NRCAM: variants seen among roughly 807,000 people sequenced by gnomAD.
The protein encoded by NRCAM is NgCAM-related cell adhesion molecule.
A neutral mutation model predicts 156.5 loss-of-function variants in NRCAM; 83 were observed. That is an observed-to-expected ratio of 0.53 (90% CI 0.44 to 0.64). The LOEUF is 0.64. Among genes scored for constraint, NRCAM ranks in the 30% least tolerant of loss-of-function variants. The probability of loss-of-function intolerance (pLI) is 0.00; values close to 1 mark genes in which losing one functional copy is unlikely to be tolerated. For synonymous variants in NRCAM, 538 were observed against 563.9 expected (o/e 0.95, Z 0.65); for missense variants, 1,417 against 1,597.3 (o/e 0.89, Z 1.92).
intron 1 of NRCAM, among the ~76,000 whole-genome samples, chr7:108,432,278 T>C (rs1490186452): frequency 6.6e-6 from 1 of 152,218 alleles, no homozygotes; most frequent in Non-Finnish European, 1.5e-5. Flanking sequence ...TTACTTAAAA[T>C]GCAATTAATG....
chr7:108,267,884 T>C (rs573490249), intron 3 of NRCAM, among the ~76,000 whole-genome samples: 10 of 152,352 alleles, frequency 6.6e-5, no homozygotes, highest in Middle Eastern at 3.4e-3. Context: ...GCAGTTATAT[T>C]CATACATAGA....
intron 2 of NRCAM, among the ~76,000 whole-genome samples, chr7:108,317,869 A>T (rs1361630882): frequency 3.4e-5 from 5 of 148,718 alleles, no homozygotes; most frequent in Admixed American, 1.4e-4. Context: ...AGATGGCGCC[A>T]TTGCACTCTA....
chr7:108,404,263 T>C (rs1171910537), intron 1 of NRCAM, among the ~76,000 whole-genome samples: 2 of 142,406 alleles, frequency 1.4e-5, no homozygotes, highest in African/African-American at 5.2e-5. Context: ...TCCTTCTCAG[T>C]TGTGCTGAAT....
At position 108,252,491 on chromosome 7, in the gene NRCAM, C is replaced by G. The variant is rs2153910238; in HGVS notation, c.-106-12321G>C. On this transcript the variant is annotated intron_variant, in intron 3 of 32. Transcript: ENST00000379028. Reference sequence around the variant, plus strand: ...AAACAGTTTTTATTTTTTGAAAGATCTGAATGTATTCTATTCTATTCACAT... The same window carrying G: ...AAACAGTTTTTATTTTTTGAAAGATGTGAATGTATTCTATTCTATTCACAT... 3.9e-5 allele frequency among the ~76,000 whole-genome samples: 6 copies of G among 152,270 alleles called. No individual in the cohort carries two copies. The Middle Eastern group carries it at 0.017, about 432-fold the overall frequency.
chr7:108,237,000 C>G (rs959626860), intron 5 of NRCAM, among the ~76,000 whole-genome samples: 3 of 152,174 alleles, frequency 2.0e-5, no homozygotes, highest in Non-Finnish European at 4.4e-5. Flanking sequence ...TCTGGATATA[C>G]CTCCTTAAAC....
intron 22 of NRCAM, among the ~76,000 whole-genome samples, chr7:108,183,294 T>TA (rs5886444): frequency 6.6e-6 from 1 of 151,798 alleles, no homozygotes; most frequent in African/African-American, 2.4e-5. Flanking sequence ...GATGGAAACT[T>TA]AGACTGTTTT....
intron 3 of NRCAM, among the ~76,000 whole-genome samples, chr7:108,241,048 T>C (rs1291262613): frequency 1.3e-5 from 2 of 152,310 alleles, no homozygotes; most frequent in African/African-American, 4.8e-5. Context: ...ATTTATTTCT[T>C]ATGGATCAGT....
At chr7:108,330,866 C>T (rs184782183) in intron 2 of NRCAM, among the ~76,000 whole-genome samples, 5 of 152,222 alleles carry the variant, frequency 3.3e-5, no homozygotes, top group South Asian at 2.1e-4. Context: ...CCAGAGGAGG[C>T]GATTCGTGGC....
At chr7:108,207,741 A>G in intron 12 of NRCAM, 82 bp from the exon 13 acceptor site, 1 of 1,212,964 alleles carries the variant, frequency 8.2e-7, no homozygotes, top group Non-Finnish European at 1.1e-6. Flanking sequence ...TATTTTAATA[A>G]TACAAGCAAG....
chr7:108,223,059 T>A (rs888122938), intron 11 of NRCAM, among the ~76,000 whole-genome samples: 1 of 152,170 alleles, frequency 6.6e-6, no homozygotes, highest in Non-Finnish European at 1.5e-5. Flanking sequence ...GAAGGGACAG[T>A]GTGCTAGTTC....
intron 1 of NRCAM, among the ~76,000 whole-genome samples, chr7:108,444,085 TAAAAC>T (rs1236168763): frequency 4.6e-5 from 7 of 152,024 alleles, no homozygotes; most frequent in African/African-American, 1.7e-4. Context: ...AATAAATAAA[TAAAAC>T]AATGCAACAA....
At chr7:108,175,639 C>T (rs1246211571) in intron 27 of NRCAM, among the ~76,000 whole-genome samples, 1 of 152,030 alleles carries the variant, frequency 6.6e-6, no homozygotes, top group Non-Finnish European at 1.5e-5. Context: ...TGTATGAAGG[C>T]TTAGGATATT....
intron 1 of NRCAM, among the ~76,000 whole-genome samples, chr7:108,416,345 T>C (rs986604945): frequency 5.3e-5 from 8 of 152,146 alleles, no homozygotes; most frequent in African/African-American, 1.4e-4. Flanking sequence ...TCTAGCAAAA[T>C]TGACATGGTT....
chr7:108,192,004 A>C, intron 17 of NRCAM, 151 bp from the exon 18 acceptor site: 1 of 819,430 alleles, frequency 1.2e-6, no homozygotes, highest in Non-Finnish European at 1.9e-6. Flanking sequence ...TCACTTTAAG[A>C]ATGATTAAAG....
At chr7:108,221,387 A>T (rs1181985124) in intron 11 of NRCAM, among the ~76,000 whole-genome samples, 1 of 152,220 alleles carries the variant, frequency 6.6e-6, no homozygotes, top group African/African-American at 2.4e-5. Flanking sequence ...TACAGAAAAG[A>T]TACTTGCACA....
In NRCAM at chr7:108,269,473, T is replaced by A. The variant is rs1286185431; in HGVS notation, c.-106-29303A>T. Among the ~76,000 whole-genome samples, 6 of 152,242 alleles carry A rather than the reference T, an allele frequency of 3.9e-5. No individual in the cohort carries two copies. The East Asian group carries it at 1.2e-3, about 29-fold the overall frequency. ...TAAACTTTATGAGACCAGGGGTCTG[T>A]CTTGGGTCACCTTTCATCCAAGTCA... On this transcript the variant is annotated intron_variant, in intron 3 of 32. Transcript: ENST00000379028.
In NRCAM at chr7:108,383,153, C is replaced by CACACACACACACACAA. The variant is rs10669547; in HGVS notation, c.-174+16282_-174+16283insTTGTGTGTGTGTGTGT. On this transcript the variant is annotated intron_variant, in intron 2 of 32. Coordinates refer to ENST00000379028, the MANE Select transcript of NRCAM (RefSeq NM_001037132.4). The stretch of plus-strand genomic sequence containing the variant: ...ACACACGCTCTCACACACACACACA[C>CACACACACACACACAA]ACCCCTTGGTGTTGCCTAGGCAAAC... 2.4e-3 allele frequency among the ~76,000 whole-genome samples: 363 copies of CACACACACACACACAA among 151,604 alleles called. 1 individual carries two copies. Among genetic ancestry groups the CACACACACACACACAA allele is most frequent in the East Asian group, 0.012 (62 of 5,106 alleles).
chr7:108,227,457 G>T (rs926410642), intron 8 of NRCAM, among the ~76,000 whole-genome samples: 5 of 152,134 alleles, frequency 3.3e-5, no homozygotes, highest in Admixed American at 1.3e-4. Context: ...CGATTTCTTT[G>T]TTGTGAAAAC....
intron 1 of NRCAM, among the ~76,000 whole-genome samples, chr7:108,424,310 T>C (rs765080725): frequency 7.2e-5 from 11 of 152,162 alleles, no homozygotes; most frequent in Admixed American, 2.6e-4. Flanking sequence ...ACTGAGAAGG[T>C]AGCCATTCTG....
Sources: gnomAD v4.1 joint callset for allele counts (sites outside exome capture counted in the v4.1 genomes callset) on GRCh38, gnomAD v4.1.1 for gene constraint, MANE v1.5 for transcripts, NCBI Gene and HGNC (gene_info 2026-07-23, HGNC 2026-07-21) for gene names.